The following IPO5 variants were observed in gnomAD, a reference collection of about 807,000 sequenced individuals.
The protein encoded by IPO5 is importin 5.
IPO5 carries 18 observed loss-of-function variants against 143.3 expected under a neutral mutation model. That is an observed-to-expected ratio of 0.13 (90% CI 0.09 to 0.19). The LOEUF (loss-of-function observed/expected upper bound fraction) is 0.19. IPO5 is among the 10% of genes least tolerant of loss of function. The pLI is 1.00. For missense variants in IPO5, 1,013 were observed against 1,336.9 expected (o/e 0.76, Z 3.78); for synonymous variants, 477 against 465.7 (o/e 1.02, Z -0.31).
chr13:98,009,522 A>C lies in IPO5; in HGVS notation c.1801-359A>C, dbSNP rs1762174850. 2.0e-5 allele frequency among the ~76,000 whole-genome samples: 3 copies of C among 152,256 alleles called. No homozygotes were observed. The South Asian group carries it at 6.2e-4, about 31-fold the overall frequency. On this transcript the variant is annotated intron_variant, in intron 18 of 28. Transcript: ENST00000651721. ...TAAAATACATTTCTGTCTTCAAAAA[A>C]TTTGTAACTGGGAGTTGATGAAGTG...
chr13:98,008,280 T>G, intron 18 of IPO5, 138 bp downstream of exon 18: 1 of 579,870 alleles, frequency 1.7e-6, no homozygotes. Context: ...TCTTCACTGA[T>G]TTTCCTTCTG....
intron 18 of IPO5, among the ~76,000 whole-genome samples, chr13:98,008,686 A>G (rs550840701): frequency 2.3e-4 from 35 of 152,166 alleles, no homozygotes; most frequent in Non-Finnish European, 2.4e-4. Flanking sequence ...ATAGGTATAC[A>G]TACCCAGCTA....
chr13:97,976,049 G>C (rs927088931), intron 3 of IPO5: 1 of 793,060 alleles, frequency 1.3e-6, no homozygotes, highest in Non-Finnish European at 1.5e-6. Context: ...TGGGTGAAGG[G>C]CTGGATCCCA....
At chr13:97,980,618 G>A (rs892830680) in intron 4 of IPO5, among the ~76,000 whole-genome samples, 2 of 151,546 alleles carry the variant, frequency 1.3e-5, no homozygotes, top group African/African-American at 2.4e-5. Flanking sequence ...TCACGAGGTC[G>A]GGAGTTCAAG....
At chr13:97,994,586 A>C (rs190167713) in intron 11 of IPO5, among the ~76,000 whole-genome samples, 1 of 152,350 alleles carries the variant, frequency 6.6e-6, no homozygotes, top group African/African-American at 2.4e-5. Flanking sequence ...AGAACAAATT[A>C]TCAGTTCTCA....
chr13:97,979,770 G>A (rs958608843), intron 4 of IPO5: 6 of 407,486 alleles, frequency 1.5e-5, no homozygotes, highest in Non-Finnish European at 9.8e-6. Context: ...GGCCTCAAGT[G>A]ATCCTCCCAT....
At chr13:97,976,845 A>C in intron 4 of IPO5, 59 bp downstream of exon 4, 4 of 676,012 alleles carry the variant, frequency 5.9e-6, no homozygotes, top group Non-Finnish European at 6.5e-6. Context: ...CCCTTTACCG[A>C]CGCCAGCCGC....
intron 18 of IPO5, among the ~76,000 whole-genome samples, 159 bp downstream of exon 18, chr13:98,008,301 T>G (rs1889429239): frequency 6.6e-6 from 1 of 152,218 alleles, no homozygotes; most frequent in Non-Finnish European, 1.5e-5. Context: ...TTTCTCAAGC[T>G]ACTTTTTCTC....
At chr13:98,000,929 C>A in intron 13 of IPO5, 2 of 359,394 alleles carry the variant, frequency 5.6e-6, no homozygotes, top group South Asian at 9.5e-5. Flanking sequence ...CACCCAATAT[C>A]TTTTATTTTT....
At position 97,970,214 on chromosome 13, in the gene IPO5, T is replaced by C. The variant is rs113990068; in HGVS notation, c.-5+384T>C. Among the ~76,000 whole-genome samples, 1,031 of 152,336 alleles carry C rather than the reference T, an allele frequency of 6.8e-3. 14 individuals are homozygous for C. The highest frequency in any genetic ancestry group is 0.023 in the African/African-American group (972 of 41,582). ...CATTTAACAATAGTTTATCAATAAATATAACTATTTTATTTAACACAATAT... is the reference window on the plus strand; with the variant it reads ...CATTTAACAATAGTTTATCAATAAACATAACTATTTTATTTAACACAATAT... On this transcript the variant is annotated intron_variant, in intron 3 of 28. Transcript: ENST00000651721.
In IPO5 at chr13:97,969,816, A is replaced by C. The variant is rs535072018; in HGVS notation, c.-19A>C. 1.2e-6 allele frequency: 2 copies of C among 1,612,160 alleles called. No individual in the cohort carries two copies. The highest frequency in any genetic ancestry group is 4.5e-5 in the East Asian group (2 of 44,850). On this transcript the variant is annotated 5_prime_UTR_variant, in exon 3 of 29. Coordinates refer to ENST00000651721, the MANE Select transcript of IPO5 (RefSeq NM_002271.6). ...ATCAAGTTGGAAAACTAGAAGCAAC[A>C]GAAAACACAATAAGGTAACTGATTT...
At chr13:97,974,694 AAAAATC>A (rs1469976173) in intron 3 of IPO5, among the ~76,000 whole-genome samples, 3 of 151,856 alleles carry the variant, frequency 2.0e-5, no homozygotes, top group Admixed American at 6.6e-5. Context: ...AAAAAAAAAA[AAAAATC>A]AAAATCAAAC....
rs554517115 is a variant in IPO5 at position 97,968,282 on chromosome 13, C to G, written c.-112-1441C>G. The stretch of plus-strand genomic sequence containing the variant: ...TTCAATCCTTTAAAATTGACTGAAG[C>G]TTGTTTTACAGCCTAACATATGGTC... On this transcript the variant is annotated intron_variant, in intron 2 of 28. Transcript: ENST00000651721. 6.6e-5 allele frequency among the ~76,000 whole-genome samples: 10 copies of G among 152,284 alleles called. No homozygotes were observed. The South Asian group carries it at 2.1e-3, about 32-fold the overall frequency.
At chr13:97,992,035 G>A (rs1424284933) in intron 9 of IPO5, among the ~76,000 whole-genome samples, 2 of 152,156 alleles carry the variant, frequency 1.3e-5, no homozygotes, top group Non-Finnish European at 2.9e-5. Context: ...TAAAATTGAA[G>A]GTTTCCACAT....
At chr13:98,013,584 A>T (rs1889886065) in intron 21 of IPO5, among the ~76,000 whole-genome samples, 1 of 152,180 alleles carries the variant, frequency 6.6e-6, no homozygotes, top group African/African-American at 2.4e-5. Flanking sequence ...GGAAGTTATC[A>T]AGACCTTATT....
intron 6 of IPO5, chr13:97,987,252 CT>C (rs34990927): frequency 0.053 from 7,508 of 141,590 alleles, 454 homozygotes; most frequent in East Asian, 0.34. Context: ...GTAGCCACCA[CT>C]TTTTTTTTTT....
chr13:98,019,852 T>C (rs781398775), intron 27 of IPO5, 43 bp downstream of exon 27: 1 of 1,343,442 alleles, frequency 7.4e-7, no homozygotes, highest in East Asian at 2.3e-5. Flanking sequence ...TCCTCCACAG[T>C]GCTTCCTGGT....
chr13:97,960,083 T>C (rs942639106), intron 2 of IPO5: 10 of 152,246 alleles, frequency 6.6e-5, no homozygotes, highest in African/African-American at 2.2e-4. Context: ...TATGAACCAT[T>C]ATAAGGTCCC....
chr13:97,984,618 C>T (rs1013701327), intron 5 of IPO5, among the ~76,000 whole-genome samples: 15 of 151,314 alleles, frequency 9.9e-5, no homozygotes, highest in Non-Finnish European at 1.9e-4. Flanking sequence ...AAAGATTTCT[C>T]GGTGAAAAGT....
Sources: gnomAD v4.1 joint callset for allele counts (sites outside exome capture counted in the v4.1 genomes callset) on GRCh38, gnomAD v4.1.1 for gene constraint, MANE v1.5 for transcripts, NCBI Gene and HGNC (gene_info 2026-07-23, HGNC 2026-07-21) for gene names.